PSTPIP2: variants seen among roughly 807,000 people sequenced by gnomAD.
The protein encoded by PSTPIP2 is proline-serine-threonine phosphatase interacting protein 2, also known as proline-serine-threonine phosphatase-interacting protein 2.
In PSTPIP2, 33 loss-of-function variants were observed where a neutral mutation model predicts 63.3. The observed-to-expected ratio is 0.52, with a 90% CI of 0.40 to 0.70. PSTPIP2 has a LOEUF of 0.70. Ranked by LOEUF, PSTPIP2 falls within the 30% of genes least tolerant of loss-of-function variation. The pLI is 0.00. For synonymous variants in PSTPIP2, 125 were observed against 132.7 expected (o/e 0.94, Z 0.40); for missense variants, 312 against 400.7 (o/e 0.78, Z 1.89).
intron 14 of PSTPIP2, among the ~76,000 whole-genome samples, chr18:45,986,232 C>T (rs373136490): frequency 6.6e-6 from 1 of 152,088 alleles, no homozygotes; most frequent in Non-Finnish European, 1.5e-5. Context: ...TGTATACTCC[C>T]TTTAGTAAAA....
At chr18:46,031,869 G>C (rs1907798207) in intron 2 of PSTPIP2, among the ~76,000 whole-genome samples, 1 of 152,136 alleles carries the variant, frequency 6.6e-6, no homozygotes, top group Non-Finnish European at 1.5e-5. Context: ...GGGAAGTAAT[G>C]AGTTCCAGCA....
At chr18:46,060,923 A>T (rs1447797935) in intron 1 of PSTPIP2, among the ~76,000 whole-genome samples, 1 of 152,238 alleles carries the variant, frequency 6.6e-6, no homozygotes, top group Admixed American at 6.5e-5. Context: ...TTACTAATTG[A>T]CAATGACACG....
At chr18:45,991,257 G>A (rs1049443204) in intron 12 of PSTPIP2, among the ~76,000 whole-genome samples, 5 of 152,162 alleles carry the variant, frequency 3.3e-5, no homozygotes, top group African/African-American at 4.8e-5. Flanking sequence ...ACTGCAAGCT[G>A]ACTATGTCAA....
chr18:46,022,446 G>A (rs1204107449), intron 3 of PSTPIP2, among the ~76,000 whole-genome samples: 1 of 152,142 alleles, frequency 6.6e-6, no homozygotes, highest in Non-Finnish European at 1.5e-5. Flanking sequence ...AGGAAAGTAT[G>A]TTATGTGGTT....
chr18:45,988,593 G>A (rs2051491445), intron 14 of PSTPIP2, 109 bp downstream of exon 14: 4 of 935,108 alleles, frequency 4.3e-6, no homozygotes, highest in Admixed American at 2.1e-5. Flanking sequence ...CCTGCCTCAT[G>A]CAAGGCCTTG....
Position 45,985,257 on chromosome 18 carries a change from T to C in PSTPIP2, c.*202A>G. ...TAATTCTTCAGAATGGGGCAATTTG[T>C]AAACTTCAAAAAACTGCAGAACTCT... On this transcript the variant is annotated 3_prime_UTR_variant, in exon 15 of 15. Transcript: ENST00000409746. The C allele has an allele frequency of 1.5e-6, 1 of 650,506 alleles. No individual in the cohort carries two copies. Among genetic ancestry groups the C allele is most frequent in the Admixed American group, 3.5e-5 (1 of 28,736 alleles). 40.3% of individuals were successfully genotyped at this position (650,506 alleles called of 1,614,324 possible). A position where few individuals can be genotyped will look rare whatever the true frequency, so the allele number is the denominator to read the frequency against.
At chr18:46,007,432 C>T (rs982858788) in intron 5 of PSTPIP2, among the ~76,000 whole-genome samples, 1 of 152,342 alleles carries the variant, frequency 6.6e-6, no homozygotes, top group Admixed American at 6.5e-5. Context: ...CCAAGAGGAG[C>T]CCAGCATGGA....
intron 1 of PSTPIP2, among the ~76,000 whole-genome samples, chr18:46,071,270 C>T (rs1285420352): frequency 6.6e-6 from 1 of 152,178 alleles, no homozygotes; most frequent in Non-Finnish European, 1.5e-5. Context: ...GGAGTCAGGG[C>T]CCCTTGGCAG....
chr18:46,033,307 T>C (rs1907847466), intron 2 of PSTPIP2, among the ~76,000 whole-genome samples: 1 of 152,230 alleles, frequency 6.6e-6, no homozygotes. Flanking sequence ...GACTGTGACC[T>C]TATTTGGAAA....
At chr18:46,004,686 G>T (rs1489194353) in intron 6 of PSTPIP2, among the ~76,000 whole-genome samples, 1 of 152,070 alleles carries the variant, frequency 6.6e-6, no homozygotes, top group African/African-American at 2.4e-5. Context: ...TAACCCTGTT[G>T]CATTTCCACT....
intron 1 of PSTPIP2, among the ~76,000 whole-genome samples, chr18:46,051,241 CAAGGCA>C (rs1048630705): frequency 1.8e-4 from 27 of 152,072 alleles, no homozygotes; most frequent in Admixed American, 2.0e-4. Flanking sequence ...TTTGGGAGGC[CAAGGCA>C]GGAGGATCAC....
At chr18:46,041,578 C>T (rs929415380) in intron 1 of PSTPIP2, among the ~76,000 whole-genome samples, 11 of 152,112 alleles carry the variant, frequency 7.2e-5, no homozygotes, top group African/African-American at 2.4e-4. Flanking sequence ...TTTTATTCTA[C>T]TGTGCTCTCC....
intron 6 of PSTPIP2, 118 bp downstream of exon 6, chr18:46,005,351 G>C: frequency 1.2e-6 from 1 of 847,908 alleles, no homozygotes; most frequent in Non-Finnish European, 1.8e-6. Context: ...CTAAAACACT[G>C]CACTAATAAA....
chr18:46,051,310 T>C (rs909608765), intron 1 of PSTPIP2, among the ~76,000 whole-genome samples: 3 of 152,044 alleles, frequency 2.0e-5, no homozygotes, highest in Admixed American at 6.6e-5. Context: ...ACCCTGTTCC[T>C]ACTAAAAATA....
chr18:46,055,158 A>G (rs1280690256), intron 1 of PSTPIP2, among the ~76,000 whole-genome samples: 1 of 152,068 alleles, frequency 6.6e-6, no homozygotes. Context: ...TGACATCCAG[A>G]AGGCTAGCTT....
At chr18:46,028,934 A>G in intron 2 of PSTPIP2, 1 of 1,383,978 alleles carries the variant, frequency 7.2e-7, no homozygotes. Context: ...AACTGCCAGC[A>G]TGGTAATGCT....
At chr18:45,996,640 A>G (rs1440315558) in intron 9 of PSTPIP2, among the ~76,000 whole-genome samples, 3 of 151,974 alleles carry the variant, frequency 2.0e-5, no homozygotes, top group Non-Finnish European at 2.9e-5. Context: ...AAAAAAAAGA[A>G]AACCCTCCAG....
At chr18:46,063,334 C>A (rs1201446639) in intron 1 of PSTPIP2, among the ~76,000 whole-genome samples, 1 of 152,018 alleles carries the variant, frequency 6.6e-6, no homozygotes, top group Non-Finnish European at 1.5e-5. Context: ...AAACTTGGAC[C>A]ACAGAAAACC....
chr18:45,990,691 G>C, intron 13 of PSTPIP2, 31 bp downstream of exon 13: 1 of 1,573,234 alleles, frequency 6.4e-7, no homozygotes, highest in East Asian at 2.2e-5. Flanking sequence ...TGCAATATAA[G>C]AATTTCAAAA....
Sources: allele counts gnomAD v4.1 joint callset (sites outside exome capture counted in the v4.1 genomes callset), GRCh38; gene constraint gnomAD v4.1.1; transcripts MANE v1.5; gene names NCBI Gene and HGNC (gene_info 2026-07-23, HGNC 2026-07-21).